Variants in HPSE2 observed in about 807,000 individuals in gnomAD.
HPSE2 encodes the protein heparanase 2 (inactive).
Under a neutral mutation model 60.5 loss-of-function variants are expected in HPSE2, and 38 were observed. The ratio of observed to expected loss-of-function variants is 0.63; its 90% confidence interval spans 0.48 to 0.82. The LOEUF (loss-of-function observed/expected upper bound fraction) is 0.82, where lower values mean the gene tolerates loss of function less well. Among genes scored for constraint, HPSE2 ranks in the 40% least tolerant of loss-of-function variants. HPSE2 has a pLI of 0.00. For missense variants in HPSE2, 713 were observed against 740.4 expected, an observed-to-expected ratio of 0.96 and a Z score of 0.43; for synonymous variants, 295 against 293.2, an observed-to-expected ratio of 1.01 and a Z score of -0.06.
At chr10:98,830,491 T>C (rs1951659052) in intron 3 of HPSE2, among the ~76,000 whole-genome samples, 1 of 152,098 alleles carries the variant, frequency 6.6e-6, no homozygotes, top group Non-Finnish European at 1.5e-5. Flanking sequence ...CTGCAAACAG[T>C]AAATTCAATA....
chr10:99,149,978 G>A (rs2135794343), intron 2 of HPSE2, among the ~76,000 whole-genome samples: 1 of 150,678 alleles, frequency 6.6e-6, no homozygotes, highest in African/African-American at 2.4e-5. Flanking sequence ...TTGTTGTTAT[G>A]TAATCAAAGT....
At chr10:98,515,511 G>A (rs1319107875) in intron 9 of HPSE2, among the ~76,000 whole-genome samples, 1 of 152,056 alleles carries the variant, frequency 6.6e-6, no homozygotes, top group Non-Finnish European at 1.5e-5. Flanking sequence ...TGTCAAAAAT[G>A]GTCATTACAG....
intron 3 of HPSE2, among the ~76,000 whole-genome samples, chr10:98,844,170 T>A (rs1951982654): frequency 6.6e-6 from 1 of 152,198 alleles, no homozygotes; most frequent in South Asian, 2.1e-4. Flanking sequence ...GTACATGATC[T>A]CTGAGGTCTC....
chr10:98,874,366 T>C (rs1422833844), intron 3 of HPSE2, among the ~76,000 whole-genome samples: 1 of 152,026 alleles, frequency 6.6e-6, no homozygotes, highest in African/African-American at 2.4e-5. Context: ...CTTTCATCCA[T>C]CTTGAGTTAA....
At chr10:98,721,910 T>G in intron 4 of HPSE2, 82 bp from the exon 5 acceptor site, 2 of 1,132,964 alleles carry the variant, frequency 1.8e-6, no homozygotes, top group Non-Finnish European at 2.6e-6. Context: ...TCTCTCTGCC[T>G]TTTTCTTAAT....
chr10:99,071,892 T>A (rs914841139), intron 3 of HPSE2, among the ~76,000 whole-genome samples: 1 of 152,182 alleles, frequency 6.6e-6, no homozygotes, highest in African/African-American at 2.4e-5. Context: ...GTCAACTGGG[T>A]TTATTTCTGA....
At chr10:99,238,709 C>G (rs1202398981), upstream of HPSE2, among the ~76,000 whole-genome samples, 1 of 152,142 alleles carries the variant, frequency 6.6e-6, no homozygotes, top group Non-Finnish European at 1.5e-5. Context: ...TGTCTTGCCT[C>G]TTATCTATTA....
intron 11 of HPSE2, among the ~76,000 whole-genome samples, chr10:98,467,968 C>T (rs915677014): frequency 6.6e-5 from 10 of 152,234 alleles, no homozygotes; most frequent in African/African-American, 2.4e-4. Flanking sequence ...CGCCACGACT[C>T]GGCGCTGGGC....
At position 98,510,082 on chromosome 10, in the gene HPSE2, G is replaced by A. The variant is rs191224294; in HGVS notation, c.1321-19886C>T. The stretch of plus-strand genomic sequence containing the variant: ...AAACAAAGTAATAATATTAACTCAC[G>A]AATGTGCATTATGTCTTCCTTAAAT... On this transcript the variant is annotated intron_variant, in intron 9 of 11. Coordinates refer to ENST00000370552, the MANE Select transcript of HPSE2 (RefSeq NM_021828.5). Among the ~76,000 whole-genome samples the A allele has an allele frequency of 1.2e-4, 19 of 152,186 alleles. No homozygotes were observed. The East Asian group carries it at 3.3e-3, about 26-fold the overall frequency.
intron 6 of HPSE2, among the ~76,000 whole-genome samples, chr10:98,679,782 T>G (rs1947737749): frequency 6.6e-6 from 1 of 152,102 alleles, no homozygotes; most frequent in Non-Finnish European, 1.5e-5. Flanking sequence ...ACCTCCAACT[T>G]CTGGGCTCAA....
intron 3 of HPSE2, among the ~76,000 whole-genome samples, chr10:99,069,651 T>C (rs1333632724): frequency 6.6e-6 from 1 of 151,216 alleles, no homozygotes; most frequent in Non-Finnish European, 1.5e-5. Context: ...TTCTTCACAG[T>C]TGTGAGTGAT....
intron 2 of HPSE2, among the ~76,000 whole-genome samples, chr10:99,148,946 C>T (rs913110014): frequency 6.6e-6 from 1 of 151,762 alleles, no homozygotes; most frequent in South Asian, 2.1e-4. Flanking sequence ...GATGGGTGCA[C>T]CAAAACTCCA....
At chr10:98,772,467 A>G (rs571813657) in intron 3 of HPSE2, among the ~76,000 whole-genome samples, 1 of 152,298 alleles carries the variant, frequency 6.6e-6, no homozygotes, top group African/African-American at 2.4e-5. Context: ...CTGTAGCATT[A>G]TATATTATAA....
Position 98,529,813 on chromosome 10 carries a change from C to T in HPSE2, c.1321-39617G>A, listed in dbSNP as rs548963907. 3.3e-5 allele frequency among the ~76,000 whole-genome samples: 5 copies of T among 152,188 alleles called. No homozygotes were observed. The South Asian group carries it at 1.0e-3, about 31-fold the overall frequency. On this transcript the variant is annotated intron_variant, in intron 9 of 11. Coordinates refer to ENST00000370552, the MANE Select transcript of HPSE2 (RefSeq NM_021828.5). ...CTGCACAAATTGGATGTGCTAAATG[C>T]TGTTCTTCCTAAGCAAGGTTAGGTT...
intron 3 of HPSE2, among the ~76,000 whole-genome samples, chr10:98,892,480 G>A (rs1953363031): frequency 6.6e-6 from 1 of 152,140 alleles, no homozygotes; most frequent in South Asian, 2.1e-4. Context: ...CAAGACATGG[G>A]AGTAAGCAAA....
intron 3 of HPSE2, among the ~76,000 whole-genome samples, chr10:98,764,357 T>A (rs1950072288): frequency 6.6e-6 from 1 of 151,862 alleles, no homozygotes; most frequent in Non-Finnish European, 1.5e-5. Flanking sequence ...ATGAGGGGTA[T>A]AAATAAATTT....
chr10:99,280,689 C>T, the HPSE2 span, among the ~76,000 whole-genome samples: 1 of 152,192 alleles, frequency 6.6e-6, no homozygotes, highest in Non-Finnish European at 1.5e-5. Flanking sequence ...CACTTCCTGC[C>T]ACCTAGTGTT....
chr10:98,598,164 G>A (rs1945299789), intron 9 of HPSE2, among the ~76,000 whole-genome samples: 1 of 151,808 alleles, frequency 6.6e-6, no homozygotes, highest in African/African-American at 2.4e-5. Flanking sequence ...TGTTGCCTTA[G>A]GTTGATATCT....
intron 2 of HPSE2, among the ~76,000 whole-genome samples, chr10:99,186,845 C>T (rs746331962): frequency 6.6e-6 from 1 of 152,082 alleles, no homozygotes; most frequent in Non-Finnish European, 1.5e-5. Context: ...AACACAGTCA[C>T]GGCTCACTGC....
Sources: allele counts gnomAD v4.1 joint callset (sites outside exome capture counted in the v4.1 genomes callset), GRCh38; gene constraint gnomAD v4.1.1; transcripts MANE v1.5; gene names NCBI Gene and HGNC (gene_info 2026-07-23, HGNC 2026-07-21).